DOCK9: variants seen among roughly 807,000 people sequenced by gnomAD.
The protein encoded by DOCK9 is dedicator of cytokinesis protein 9.
DOCK9 carries 89 observed loss-of-function variants against 263.3 expected under a neutral mutation model. That is an observed-to-expected ratio of 0.34 (90% CI 0.28 to 0.40). DOCK9 has a LOEUF of 0.40. Ranked by LOEUF, DOCK9 falls within the 10% of genes least tolerant of loss-of-function variation. The pLI, the probability that DOCK9 is intolerant of heterozygous loss-of-function variation, is 1.00. For missense variants in DOCK9, 2,140 were observed against 2,603.4 expected (o/e 0.82, Z 3.87); for synonymous variants, 976 against 973.1 (o/e 1.00, Z -0.06).
chr13:98,849,241 G>A (rs57592239), intron 36 of DOCK9, among the ~76,000 whole-genome samples: 1,809 of 152,100 alleles, frequency 0.012, 70 homozygotes, highest in Admixed American at 0.076. Flanking sequence ...TATGAGCCAA[G>A]CGTCCACTGA....
intron 3 of DOCK9, among the ~76,000 whole-genome samples, chr13:98,926,978 C>G (rs771107448): frequency 1.1e-4 from 16 of 152,238 alleles, no homozygotes; most frequent in Non-Finnish European, 2.2e-4. Flanking sequence ...AAGCAAACTC[C>G]CCTCCACCTC....
intron 51 of DOCK9, 35 bp downstream of exon 51, chr13:98,797,354 C>T (rs1395686067): frequency 1.2e-6 from 2 of 1,609,692 alleles, no homozygotes; most frequent in Non-Finnish European, 8.5e-7. Context: ...ATGATCAATA[C>T]TCGAAGAGAA....
At chr13:98,962,049 G>C (rs1207957329) in intron 1 of DOCK9, among the ~76,000 whole-genome samples, 2 of 152,152 alleles carry the variant, frequency 1.3e-5, no homozygotes, top group African/African-American at 4.8e-5. Context: ...CAGATGTTGT[G>C]GAACTAGAAG....
chr13:98,796,479 C>T (rs56343797), intron 52 of DOCK9, among the ~76,000 whole-genome samples: 2,080 of 152,266 alleles, frequency 0.014, 18 homozygotes, highest in Admixed American at 0.021. Context: ...AATGTGGATG[C>T]TGCTCTAGGC....
In DOCK9 at chr13:98,841,804, ATTATTATTATTT is replaced by A. The variant is rs1010443149; in HGVS notation, c.4198+4108_4198+4119del. ...GCCCAGATTTTTCTGCATTATTATT[ATTATTATTATTT>A]GTTTTTAGTAGAGACGGGGTTTCAC... is the stretch of plus-strand genomic sequence containing the variant. On this transcript the variant is annotated intron_variant, in intron 38 of 52. Coordinates refer to ENST00000682017, the MANE Select transcript of DOCK9 (RefSeq NM_001366683.2). Among the ~76,000 whole-genome samples, 210 of 150,754 alleles carry A rather than the reference ATTATTATTATTT, an allele frequency of 1.4e-3. 1 individual carries two copies. Among genetic ancestry groups the A allele is most frequent in the Non-Finnish European group, 9.0e-4 (61 of 67,642 alleles).
At chr13:99,001,560 G>A (rs1358221497) in intron 1 of DOCK9, among the ~76,000 whole-genome samples, 1 of 152,216 alleles carries the variant, frequency 6.6e-6, no homozygotes, top group Non-Finnish European at 1.5e-5. Flanking sequence ...CGCCTTAGGT[G>A]TATGGGTCTT....
At chr13:99,021,453 C>A (rs539657213) in intron 1 of DOCK9, among the ~76,000 whole-genome samples, 1 of 152,082 alleles carries the variant, frequency 6.6e-6, no homozygotes, top group South Asian at 2.1e-4. Context: ...TCCTGGCTAA[C>A]ACGGTGAAAC....
intron 48 of DOCK9, among the ~76,000 whole-genome samples, chr13:98,805,767 T>A (rs2090627654): frequency 6.6e-6 from 1 of 152,122 alleles, no homozygotes; most frequent in African/African-American, 2.4e-5. Context: ...TTGAATTATT[T>A]TATTTTTTTT....
At position 98,831,768 on chromosome 13, in the gene DOCK9, G is replaced by T; in HGVS notation, c.4333C>A (p.His1445Asn). The stretch of plus-strand genomic sequence containing the variant: ...TTTTTCATGAGAGGATTATGTCCAT[G>T]GTCGGCCAGGAGCTGGTTCTTAAAA... ...LAFKNQLLAD[H>N]GHNPLMKKVF... Residue 1445 changes from histidine to asparagine, a missense_variant, in exon 40 of 53, where the codon CAT becomes AAT. Physicochemically the swap from His to Asn is moderately conservative, Grantham distance 68 (BLOSUM62 1). Around this residue, in one of 2 missense-constraint regions of DOCK9, gnomAD observed 619 missense variants for 861.8 expected, o/e 0.72. Transcript: ENST00000682017. 3.1e-6 allele frequency: 5 copies of T among 1,613,958 alleles called. No homozygotes were observed. Among genetic ancestry groups the T allele is most frequent in the Non-Finnish European group, 4.2e-6 (5 of 1,179,874 alleles).
At position 98,829,196 on chromosome 13, in the gene DOCK9, T is replaced by C; in HGVS notation, c.4965+111A>G. 1.0e-6 allele frequency: 1 copy of C among 985,610 alleles called. No individual in the cohort carries two copies. The highest frequency in any genetic ancestry group is 2.6e-5 in the East Asian group (1 of 38,160). The allele number at this position is 985,610 out of a possible 1,614,324, so 61.1% of individuals were successfully genotyped here. On this transcript the variant is annotated intron_variant, in intron 43 of 52. Transcript: ENST00000682017. This position sits in a 1 kb window ranked among gnomAD's most constrained non-coding sequence, Gnocchi z 4.1. ...ATACTGTTTAAAGTTTTGCATACTT[T>C]TAATTGGTTTTTGATTAATGGAATA... is the stretch of plus-strand genomic sequence containing the variant.
At chr13:98,865,462 G>A (rs769190769) in intron 30 of DOCK9, among the ~76,000 whole-genome samples, 24 of 152,130 alleles carry the variant, frequency 1.6e-4, no homozygotes, top group Non-Finnish European at 3.4e-4. Flanking sequence ...AGGGGTGGGA[G>A]GTAAGTGAGA....
intron 2 of DOCK9, among the ~76,000 whole-genome samples, chr13:98,939,257 T>G (rs576478778): frequency 1.2e-3 from 179 of 152,316 alleles, no homozygotes; most frequent in African/African-American, 4.2e-3. Context: ...CCTGGGGTCC[T>G]GCCTCTAAGA....
chr13:98,860,075 C>T, intron 33 of DOCK9: 1 of 708,474 alleles, frequency 1.4e-6, no homozygotes, highest in Non-Finnish European at 1.9e-6. Context: ...TTCCCCTCCC[C>T]CCACCACCTG....
rs538071608 is a variant in DOCK9 at position 98,825,852 on chromosome 13, G to A, written c.5023+978C>T. 32 of 1,500,142 alleles carry A rather than the reference G, an allele frequency of 2.1e-5. No homozygotes were observed. The South Asian group carries it at 4.0e-4, about 19-fold the overall frequency. The allele number at this position is 1,500,142 out of a possible 1,614,324, so 92.9% of individuals were successfully genotyped here. On this transcript the variant is annotated intron_variant, in intron 44 of 52. Transcript: ENST00000682017. This position sits in a 1 kb window ranked among gnomAD's most constrained non-coding sequence, Gnocchi z 4.1. ...CCAGGGCAGGGGGTCCCCGGGGGCTGGGCTGATCCTCAGGCTCACCTCCCC... is the reference window on the plus strand; with the variant it reads ...CCAGGGCAGGGGGTCCCCGGGGGCTAGGCTGATCCTCAGGCTCACCTCCCC...
At chr13:98,865,188 T>A (rs2093987221) in intron 30 of DOCK9, among the ~76,000 whole-genome samples, 1 of 152,174 alleles carries the variant, frequency 6.6e-6, no homozygotes, top group African/African-American at 2.4e-5. Context: ...CACCTCAGCC[T>A]CCCATGTAGC....
In DOCK9 at chr13:99,051,032, C is replaced by G. The variant is rs572102163; in HGVS notation, c.129+35191G>C. Reference sequence around the variant, plus strand: ...GACTTCCTCTCCATCACCTGCCCACCCAGCTTCCCAGCCCGCCTCTGCGAG... The same window carrying G: ...GACTTCCTCTCCATCACCTGCCCACGCAGCTTCCCAGCCCGCCTCTGCGAG... On this transcript the variant is annotated intron_variant, in intron 1 of 32. Transcript: ENST00000427887. Among the ~76,000 whole-genome samples, 3 of 152,326 alleles carry G rather than the reference C, an allele frequency of 2.0e-5. No homozygotes were observed. The South Asian group carries it at 6.2e-4, about 32-fold the overall frequency.
At chr13:99,053,736 G>C (rs1315549277) in intron 1 of DOCK9, among the ~76,000 whole-genome samples, 1 of 152,154 alleles carries the variant, frequency 6.6e-6, no homozygotes, top group African/African-American at 2.4e-5. Flanking sequence ...AGAAACCTCA[G>C]ACTGTTACCT....
At chr13:98,924,192 G>A (rs7995988) in intron 4 of DOCK9, among the ~76,000 whole-genome samples, 96,322 of 152,028 alleles carry the variant, frequency 0.63, 31,217 homozygotes, top group Middle Eastern at 0.77. Flanking sequence ...AGAACTAAAG[G>A]GCTACCCATC....
intron 1 of DOCK9, among the ~76,000 whole-genome samples, chr13:99,043,691 C>T (rs1952376077): frequency 6.6e-6 from 1 of 152,116 alleles, no homozygotes; most frequent in African/African-American, 2.4e-5. Flanking sequence ...CTGAGGACAT[C>T]CCAGAAGGAA....
Sources: gnomAD v4.1 joint callset for allele counts (sites outside exome capture counted in the v4.1 genomes callset) on GRCh38, gnomAD v4.1.1 for gene constraint, gnomAD v4.1.1 regional missense constraint, Gnocchi (gnomAD v3.1) non-coding constraint, MANE v1.5 for transcripts, NCBI Gene and HGNC (gene_info 2026-07-23, HGNC 2026-07-21) for gene names.